RNF13: variants seen among roughly 807,000 people sequenced by gnomAD.
The protein encoded by RNF13 is E3 ubiquitin-protein ligase RNF13.
RNF13 carries 19 observed loss-of-function variants against 37.7 expected under a neutral mutation model. The ratio of observed to expected loss-of-function variants is 0.50; its 90% CI spans 0.35 to 0.74. RNF13 has a LOEUF of 0.74. Ranked by LOEUF, RNF13 falls within the 30% of genes least tolerant of loss-of-function variation. The pLI, the probability that RNF13 is intolerant of heterozygous loss-of-function variation, is 0.01. For missense variants in RNF13, 375 were observed against 453.0 expected (o/e 0.83, Z 1.56); for synonymous variants, 144 against 157.8 (o/e 0.91, Z 0.65).
intron 6 of RNF13, among the ~76,000 whole-genome samples, chr3:149,906,563 ATTAAT>A (rs1716419612): frequency 1.3e-5 from 2 of 151,380 alleles, no homozygotes; most frequent in Admixed American, 1.3e-4. Context: ...ATATTCATAA[ATTAAT>A]TTAGGAAGAA....
chr3:149,813,721 G>A (rs559890702), intron 1 of RNF13: 1 of 152,354 alleles, frequency 6.6e-6, no homozygotes, highest in Admixed American at 6.5e-5. Flanking sequence ...CTTGACTTTA[G>A]TTGAGGGGGC....
At chr3:149,856,941 G>C (rs912125152) in intron 3 of RNF13, among the ~76,000 whole-genome samples, 1 of 152,056 alleles carries the variant, frequency 6.6e-6, no homozygotes, top group African/African-American at 2.4e-5. Flanking sequence ...GTAGAGATGG[G>C]GTTTCACCGT....
At chr3:149,825,846 T>G (rs1720449386) in intron 1 of RNF13, among the ~76,000 whole-genome samples, 1 of 152,224 alleles carries the variant, frequency 6.6e-6, no homozygotes. Flanking sequence ...TTCTGATATA[T>G]TTATATAATC....
intron 3 of RNF13, among the ~76,000 whole-genome samples, chr3:149,860,278 T>A (rs1420348262): frequency 0.024 from 2,792 of 116,200 alleles, 79 homozygotes; most frequent in African/African-American, 0.049. Context: ...AAAATATATA[T>A]ATATATATAT....
In RNF13 at chr3:149,852,540, A is replaced by G. The variant is rs1205451614; in HGVS notation, c.139A>G (p.Thr47Ala). 5.1e-6 allele frequency: 8 copies of G among 1,557,890 alleles called. No homozygotes were observed. Among genetic ancestry groups the G allele is most frequent in the Admixed American group, 1.8e-5 (1 of 55,588 alleles). The change falls in exon 3 of 10, where the codon ACA (threonine) becomes GCA (alanine). Residue 47 changes from threonine (T) to alanine (A), a missense_variant. Thr to Ala is a moderately conservative substitution (Grantham distance 58, BLOSUM62 0). Coordinates refer to ENST00000392894, the MANE Select transcript of RNF13 (RefSeq NM_183381.3). Reference protein sequence around the residue: ...LAYNFENASQTFDDLPARFGY... With the variant: ...LAYNFENASQAFDDLPARFGY... ...GTATAACTTTGAAAATGCATCTCAG[A>G]CATTTGATGACCTCCCTGCAAGATT... is the stretch of plus-strand genomic sequence containing the variant.
At chr3:149,938,370 G>A (rs1160422891) in intron 8 of RNF13, among the ~76,000 whole-genome samples, 1 of 151,660 alleles carries the variant, frequency 6.6e-6, no homozygotes, top group African/African-American at 2.4e-5. Flanking sequence ...GTAGAGATGG[G>A]GTTTCACTAT....
intron 6 of RNF13, among the ~76,000 whole-genome samples, chr3:149,908,083 T>C (rs1400585683): frequency 1.3e-5 from 2 of 152,252 alleles, no homozygotes; most frequent in African/African-American, 4.8e-5. Context: ...AGCATTTCTT[T>C]ATTCACAGTG....
chr3:149,926,432 G>C (rs1456122137), intron 8 of RNF13, among the ~76,000 whole-genome samples: 2 of 152,030 alleles, frequency 1.3e-5, no homozygotes, highest in East Asian at 1.9e-4. Context: ...GGATGATCTC[G>C]ATCTCCTGAC....
At chr3:149,959,541 T>A (rs1722182611) in intron 8 of RNF13, among the ~76,000 whole-genome samples, 1 of 152,200 alleles carries the variant, frequency 6.6e-6, no homozygotes, top group African/African-American at 2.4e-5. Flanking sequence ...TAAGTTAATC[T>A]TTTTACTGAT....
At chr3:149,898,416 C>T (rs764750623) in intron 5 of RNF13, among the ~76,000 whole-genome samples, 14 of 152,072 alleles carry the variant, frequency 9.2e-5, no homozygotes, top group Non-Finnish European at 1.3e-4. Context: ...AGAGGCTCTG[C>T]CTTCATATCT....
intron 3 of RNF13, among the ~76,000 whole-genome samples, chr3:149,871,740 C>T (rs73870462): frequency 5.3e-5 from 8 of 151,866 alleles, no homozygotes; most frequent in South Asian, 2.1e-4. Flanking sequence ...AAATATTGTT[C>T]GAAAATATAC....
At chr3:149,867,427 G>A (rs558404038) in intron 3 of RNF13, among the ~76,000 whole-genome samples, 14 of 151,364 alleles carry the variant, frequency 9.2e-5, no homozygotes, top group East Asian at 5.8e-4. Flanking sequence ...CACCACGCCC[G>A]GCTAATTTTT....
chr3:149,869,530 C>T (rs1375738307), intron 3 of RNF13, among the ~76,000 whole-genome samples: 2 of 151,170 alleles, frequency 1.3e-5, no homozygotes, highest in African/African-American at 4.8e-5. Context: ...GGCATGAACC[C>T]GGGAGGCGGA....
intron 8 of RNF13, among the ~76,000 whole-genome samples, chr3:149,953,025 T>C (rs1721490910): frequency 6.6e-6 from 1 of 152,188 alleles, no homozygotes; most frequent in South Asian, 2.1e-4. Context: ...ACAGTTGTAG[T>C]TTATCTGCAT....
chr3:149,867,655 A>G (rs1219901652), intron 3 of RNF13, among the ~76,000 whole-genome samples: 3 of 151,492 alleles, frequency 2.0e-5, no homozygotes, highest in Non-Finnish European at 4.4e-5. Context: ...TTCACTCTTC[A>G]CTTTTGGACT....
intron 2 of RNF13, among the ~76,000 whole-genome samples, chr3:149,852,084 C>A (rs1723172667): frequency 6.6e-6 from 1 of 152,138 alleles, no homozygotes; most frequent in Non-Finnish European, 1.5e-5. Flanking sequence ...TGATATGATG[C>A]TGCTTCTTTC....
At chr3:149,826,716 C>T (rs567791688) in intron 1 of RNF13, among the ~76,000 whole-genome samples, 3 of 152,240 alleles carry the variant, frequency 2.0e-5, no homozygotes, top group African/African-American at 7.2e-5. Context: ...TCCCACCATC[C>T]AGAGCTTACA....
At chr3:149,929,723 A>C (rs766960043) in intron 8 of RNF13, among the ~76,000 whole-genome samples, 1 of 152,062 alleles carries the variant, frequency 6.6e-6, no homozygotes, top group Non-Finnish European at 1.5e-5. Context: ...GTCCCCTACT[A>C]TATAGGTTCA....
Position 149,852,299 on chromosome 3 carries a change from G to C in RNF13, c.115-217G>C, listed in dbSNP as rs574555510. On this transcript the variant is annotated intron_variant, in intron 2 of 9. Coordinates refer to ENST00000392894, the MANE Select transcript of RNF13 (RefSeq NM_183381.3). Reference sequence around the variant, plus strand: ...TTAGTGTTGCTGCTCGATAATATTTGAAATAATAATCCAATTTAAGCAGTT... The same window carrying C: ...TTAGTGTTGCTGCTCGATAATATTTCAAATAATAATCCAATTTAAGCAGTT... 2.6e-5 allele frequency among the ~76,000 whole-genome samples: 4 copies of C among 152,240 alleles called. No homozygotes were observed. In the South Asian group the frequency reaches 8.3e-4, roughly 32 times the overall value.
Sources: gnomAD v4.1 joint callset for allele counts (sites outside exome capture counted in the v4.1 genomes callset) on GRCh38, gnomAD v4.1.1 for gene constraint, MANE v1.5 for transcripts, NCBI Gene and HGNC (gene_info 2026-07-23, HGNC 2026-07-21) for gene names.